Variants in SLC16A7 observed in about 807,000 individuals in gnomAD.
SLC16A7 encodes monocarboxylate transporter 2.
In SLC16A7, 33 loss-of-function variants were observed where a neutral mutation model predicts 34.9. The ratio of observed to expected loss-of-function variants is 0.94; its 90% CI spans 0.72 to 1.26. The LOEUF is 1.26. SLC16A7 is among the 50% of genes most tolerant of loss of function. SLC16A7 has a pLI of 0.00. For missense variants in SLC16A7, 573 were observed against 578.1 expected (o/e 0.99, Z 0.09); for synonymous variants, 201 against 206.6 (o/e 0.97, Z 0.23).
chr12:59,694,874 A>G (rs2137108459), intron 2 of SLC16A7, among the ~76,000 whole-genome samples: 1 of 152,114 alleles, frequency 6.6e-6, no homozygotes, highest in African/African-American at 2.4e-5. Flanking sequence ...TGTAACATAG[A>G]TTAATATAGA....
chr12:59,693,755 T>C (rs1478724015), intron 2 of SLC16A7, among the ~76,000 whole-genome samples: 1 of 151,820 alleles, frequency 6.6e-6, no homozygotes, highest in Non-Finnish European at 1.5e-5. Flanking sequence ...GCGCAAGAAC[T>C]GAAATCTGGA....
intron 3 of SLC16A7, among the ~76,000 whole-genome samples, chr12:59,758,463 G>A (rs1004254771): frequency 2.0e-5 from 3 of 152,136 alleles, no homozygotes; most frequent in South Asian, 4.1e-4. Flanking sequence ...AAAAAGGGGA[G>A]TAGAATCTCT....
In SLC16A7 at chr12:59,789,651, T is replaced by A. The variant is rs1883857522; in HGVS notation, c.*9972T>A. On this transcript the variant is annotated 3_prime_UTR_variant, in exon 6 of 6. Coordinates refer to ENST00000547379, the MANE Select transcript of SLC16A7 (RefSeq NM_001270623.2). Reference sequence around the variant, plus strand: ...ATCTCTCTTGTCTGAATTATGCAGTTTAACCCTGTCCATGTTCCTCTGTAC... The same window carrying A: ...ATCTCTCTTGTCTGAATTATGCAGTATAACCCTGTCCATGTTCCTCTGTAC... 6.6e-6 allele frequency: 1 copy of A among 152,138 alleles called. No individual in the cohort carries two copies. Among genetic ancestry groups the A allele is most frequent in the African/African-American group, 2.4e-5 (1 of 41,458 alleles). The allele number at this position is 152,138 out of a possible 1,614,324, so 9.4% of individuals were successfully genotyped here.
intron 2 of SLC16A7, among the ~76,000 whole-genome samples, chr12:59,693,670 G>T (rs924119623): frequency 5.9e-5 from 9 of 151,934 alleles, no homozygotes; most frequent in Non-Finnish European, 1.2e-4. Flanking sequence ...AAAAGACTTT[G>T]AAGGATAGTT....
chr12:59,630,626 T>C (rs1448527717), intron 1 of SLC16A7, among the ~76,000 whole-genome samples: 1 of 151,882 alleles, frequency 6.6e-6, no homozygotes, highest in Non-Finnish European at 1.5e-5. Flanking sequence ...CAGAGTCAAA[T>C]TGCACTATGA....
At position 59,788,121 on chromosome 12, in the gene SLC16A7, A is replaced by G. The variant is rs1274891882; in HGVS notation, c.*8442A>G. The G allele has an allele frequency of 6.6e-6, 1 of 152,110 alleles. No homozygotes were observed. Among genetic ancestry groups the G allele is most frequent in the Non-Finnish European group, 1.5e-5 (1 of 68,012 alleles). 9.4% of individuals were successfully genotyped at this position (152,110 alleles called of 1,614,324 possible). A position where few individuals can be genotyped will look rare whatever the true frequency, so the allele number is the denominator to read the frequency against. On this transcript the variant is annotated 3_prime_UTR_variant, in exon 6 of 6. Transcript: ENST00000547379. ...TGAAATTGTTTTACTTACTACTTAC[A>G]TACTTTGAACAAATATGTTTTTCTA...
intron 1 of SLC16A7, among the ~76,000 whole-genome samples, chr12:59,601,642 T>C (rs879865968): frequency 3.9e-5 from 6 of 152,162 alleles, no homozygotes; most frequent in Non-Finnish European, 5.9e-5. Context: ...TAACAAACTA[T>C]AGACAGATTA....
At chr12:59,612,622 G>A (rs1592389612) in intron 1 of SLC16A7, among the ~76,000 whole-genome samples, 1 of 152,092 alleles carries the variant, frequency 6.6e-6, no homozygotes, top group Non-Finnish European at 1.5e-5. Context: ...ACATCATCAG[G>A]CTGCATATTT....
chr12:59,643,281 A>G (rs1001335715), intron 1 of SLC16A7, among the ~76,000 whole-genome samples: 2 of 152,154 alleles, frequency 1.3e-5, no homozygotes, highest in Non-Finnish European at 2.9e-5. Context: ...ATTCCATTTG[A>G]ATTGAAAGTC....
Position 59,779,673 on chromosome 12 carries a change from C to G in SLC16A7, c.1431C>G (p.Asn477Lys), listed in dbSNP as rs141130331. 878 of 1,605,016 alleles carry G rather than the reference C, an allele frequency of 5.5e-4. 4 individuals carry two copies. The African/African-American group carries it at 9.5e-3, about 17-fold the overall frequency. Residue 477 changes from asparagine to lysine, a missense_variant, in exon 6 of 6, where the codon AAC becomes AAG. Physicochemically the swap from Asn to Lys is moderately conservative, Grantham distance 94. Coordinates refer to ENST00000547379, the MANE Select transcript of SLC16A7 (RefSeq NM_001270623.2). ...AQSVTSERETNI is the reference protein window; with the variant it reads ...AQSVTSERETKI ...GTGTAACCTCAGAAAGAGAAACTAA[C>G]ATTTAACAAGAATCACATCTCTGAT...
In SLC16A7 at chr12:59,775,484, G is replaced by C. The variant is rs12718000; in HGVS notation, c.1180+9G>C. ...TGGCCCTCCTCTTGCAGGTAAGAACGTTTTTCATCAAGGAAAATGTAAAGC... is the reference window on the plus strand; with the variant it reads ...TGGCCCTCCTCTTGCAGGTAAGAACCTTTTTCATCAAGGAAAATGTAAAGC... On this transcript the variant is annotated intron_variant, in intron 5 of 5. Coordinates refer to ENST00000547379, the MANE Select transcript of SLC16A7 (RefSeq NM_001270623.2). 2 of 1,599,704 alleles carry C rather than the reference G, an allele frequency of 1.3e-6. No individual in the cohort carries two copies. The highest frequency in any genetic ancestry group is 1.7e-6 in the Non-Finnish European group (2 of 1,168,906).
chr12:59,680,498 C>G (rs2137071834), intron 2 of SLC16A7, among the ~76,000 whole-genome samples: 1 of 152,248 alleles, frequency 6.6e-6, no homozygotes, highest in South Asian at 2.1e-4. Context: ...TTCAGAATAA[C>G]TAAAATGAAA....
intron 5 of SLC16A7, among the ~76,000 whole-genome samples, chr12:59,777,888 T>C (rs1345669751): frequency 2.0e-5 from 3 of 147,286 alleles, no homozygotes; most frequent in African/African-American, 7.5e-5. Flanking sequence ...CACCTATGAG[T>C]GAGAATATGC....
chr12:59,665,369 A>G (rs1441808740), intron 2 of SLC16A7, among the ~76,000 whole-genome samples: 1 of 152,086 alleles, frequency 6.6e-6, no homozygotes, highest in Non-Finnish European at 1.5e-5. Flanking sequence ...ATTTCATATT[A>G]TAATGCCAAA....
At chr12:59,664,045 G>A (rs1868998710) in intron 2 of SLC16A7, among the ~76,000 whole-genome samples, 1 of 151,956 alleles carries the variant, frequency 6.6e-6, no homozygotes, top group East Asian at 1.9e-4. Context: ...AGGAACATGA[G>A]CCTCGAATCT....
chr12:59,607,004 C>T (rs1030171367), intron 1 of SLC16A7, among the ~76,000 whole-genome samples: 2 of 152,124 alleles, frequency 1.3e-5, no homozygotes, highest in Non-Finnish European at 2.9e-5. Context: ...CAAATCCAGA[C>T]CACTGCCTGA....
intron 1 of SLC16A7, among the ~76,000 whole-genome samples, chr12:59,624,451 A>G (rs767429692): frequency 1.3e-5 from 2 of 151,712 alleles, no homozygotes; most frequent in Non-Finnish European, 2.9e-5. Context: ...TCATAGTGCT[A>G]TATAAATGAG....
intron 1 of SLC16A7, among the ~76,000 whole-genome samples, chr12:59,628,190 C>T (rs1391659141): frequency 2.6e-5 from 4 of 151,756 alleles, no homozygotes; most frequent in East Asian, 1.9e-4. Flanking sequence ...TACTAAAAGA[C>T]AAATTTAATC....
At chr12:59,616,549 G>A (rs1879459288) in intron 1 of SLC16A7, among the ~76,000 whole-genome samples, 1 of 152,034 alleles carries the variant, frequency 6.6e-6, no homozygotes, top group Admixed American at 6.6e-5. Flanking sequence ...TGATTTTTAA[G>A]TTATCTTATT....
Sources: allele counts gnomAD v4.1 joint callset (sites outside exome capture counted in the v4.1 genomes callset), GRCh38; gene constraint gnomAD v4.1.1; transcripts MANE v1.5; gene names NCBI Gene and HGNC (gene_info 2026-07-23, HGNC 2026-07-21).